EPS15L1: variants seen among roughly 807,000 people sequenced by gnomAD.
EPS15L1 encodes epidermal growth factor receptor pathway substrate 15 like 1, also known as epidermal growth factor receptor substrate 15-like 1.
A neutral mutation model predicts 117.1 loss-of-function variants in EPS15L1; 43 were observed. That is an observed-to-expected ratio of 0.37 (90% CI 0.29 to 0.47). The LOEUF is 0.47. Among genes scored for constraint, EPS15L1 ranks in the 20% least tolerant of loss-of-function variants. The pLI, the probability that EPS15L1 is intolerant of heterozygous loss-of-function variation, is 0.99. For missense variants in EPS15L1, 981 were observed against 1,164.0 expected, an observed-to-expected ratio of 0.84 and a Z score of 2.29; for synonymous variants, 459 against 470.5, an observed-to-expected ratio of 0.98 and a Z score of 0.32.
Position 16,371,841 on chromosome 19 carries a change from T to C in EPS15L1, c.2380+5281A>G, listed in dbSNP as rs2092229154. ...CTTCAGCGGTGAGCTCTGACTGATC[T>C]TGATCTCCGGTCCGTTGCAGAAAAT... is the stretch of plus-strand genomic sequence containing the variant. On this transcript the variant is annotated intron_variant, in intron 22 of 23. Coordinates refer to ENST00000455140, the MANE Select transcript of EPS15L1 (RefSeq NM_001258374.3). The surrounding 1 kb of genome is among the most constrained non-coding windows in gnomAD (Gnocchi z 4.7). Among the ~76,000 whole-genome samples, 1 of 152,244 alleles carries C rather than the reference T, an allele frequency of 6.6e-6. No homozygotes were observed. Among genetic ancestry groups the C allele is most frequent in the Non-Finnish European group, 1.5e-5 (1 of 68,034 alleles).
At chr19:16,412,142 C>G (rs1001049078) in intron 13 of EPS15L1, among the ~76,000 whole-genome samples, 1 of 151,348 alleles carries the variant, frequency 6.6e-6, no homozygotes, top group African/African-American at 2.4e-5. Context: ...TGGTTAGATC[C>G]AAAGATGCAG....
intron 21 of EPS15L1, among the ~76,000 whole-genome samples, 177 bp from the exon 22 acceptor site, chr19:16,377,431 C>T (rs2092310302): frequency 6.6e-6 from 1 of 152,194 alleles, no homozygotes; most frequent in Non-Finnish European, 1.5e-5. Flanking sequence ...TTTCCTCCAC[C>T]CTCAACAGCA....
intron 19 of EPS15L1, among the ~76,000 whole-genome samples, chr19:16,391,911 G>C (rs1471553302): frequency 6.6e-6 from 1 of 152,198 alleles, no homozygotes; most frequent in South Asian, 2.1e-4. Flanking sequence ...CAGGGTGGCC[G>C]GGTCCATGCG....
chr19:16,374,633 C>T lies in EPS15L1; in HGVS notation c.2380+2489G>A, dbSNP rs557792159. Among the ~76,000 whole-genome samples, 4 of 152,292 alleles carry T rather than the reference C, an allele frequency of 2.6e-5. No homozygotes were observed. The South Asian group carries it at 8.3e-4, about 32-fold the overall frequency. On this transcript the variant is annotated intron_variant, in intron 22 of 23. Transcript: ENST00000455140. ...GGAAAGTTCAAAAGCAGACCCAGCG[C>T]CGGGTTTAGGTACGTGGGGAGGCGG...
intron 10 of EPS15L1, among the ~76,000 whole-genome samples, chr19:16,420,992 A>G (rs1303365097): frequency 5.3e-5 from 8 of 152,230 alleles, no homozygotes; most frequent in Non-Finnish European, 1.2e-4. Flanking sequence ...CGGCTGTGAC[A>G]AAGTCCAGGC....
Position 16,362,033 on chromosome 19 carries a change from TACTC to T in EPS15L1, c.2381-53_2381-50del, listed in dbSNP as rs772456124. ...AAAGGAGAAAGAAAGAAATATGAGT[TACTC>T]ACCCGGACAGAGCAGAATGCTGGTG... On this transcript the variant is annotated intron_variant, in intron 22 of 23. Transcript: ENST00000455140. 4.1e-6 allele frequency: 6 copies of T among 1,472,532 alleles called. No homozygotes were observed. In the African/African-American group the frequency reaches 7.1e-5, roughly 17 times the overall value. The allele number at this position is 1,472,532 out of a possible 1,614,324, so 91.2% of individuals were successfully genotyped here.
chr19:16,428,875 C>T (rs913743616), intron 7 of EPS15L1, 114 bp from the exon 8 acceptor site: 1 of 765,188 alleles, frequency 1.3e-6, no homozygotes, highest in Non-Finnish European at 2.3e-6. Flanking sequence ...CAGGAGACGG[C>T]AGTCAATATA....
intron 21 of EPS15L1, 140 bp downstream of exon 21, chr19:16,384,989 C>T: frequency 2.7e-6 from 2 of 731,430 alleles, no homozygotes; most frequent in Non-Finnish European, 2.4e-6. Flanking sequence ...GCCATGGATG[C>T]TTTCCAGACC....
chr19:16,441,125 G>A, intron 3 of EPS15L1: 2 of 593,064 alleles, frequency 3.4e-6, no homozygotes, highest in South Asian at 3.7e-5. Flanking sequence ...ACATCCAGGT[G>A]CACTCAGCTC....
chr19:16,417,877 A>C (rs1002106614), intron 11 of EPS15L1, 71 bp downstream of exon 11: 12 of 1,551,740 alleles, frequency 7.7e-6, no homozygotes, highest in African/African-American at 1.4e-5. Context: ...CATGTGTGCC[A>C]CCAGTGCCAC....
intron 16 of EPS15L1, among the ~76,000 whole-genome samples, chr19:16,395,800 C>T (rs892555658): frequency 4.6e-5 from 7 of 152,134 alleles, no homozygotes; most frequent in African/African-American, 1.7e-4. Context: ...AAAAAATTAG[C>T]TGGGTGTTGT....
chr19:16,447,172 G>A (rs1481344679), intron 1 of EPS15L1, among the ~76,000 whole-genome samples: 2 of 152,128 alleles, frequency 1.3e-5, no homozygotes, highest in Admixed American at 1.3e-4. Context: ...GCAAGCACGG[G>A]GCAGAACTGG....
intron 1 of EPS15L1, among the ~76,000 whole-genome samples, chr19:16,453,401 A>G (rs925058734): frequency 4.6e-5 from 7 of 152,160 alleles, no homozygotes; most frequent in Admixed American, 3.3e-4. Context: ...ATGCCCAGCC[A>G]TCAACTTTTA....
chr19:16,424,985 A>G, intron 9 of EPS15L1, 98 bp downstream of exon 9: 1 of 1,106,260 alleles, frequency 9.0e-7, no homozygotes, highest in East Asian at 2.4e-5. Flanking sequence ...AAGACATTTC[A>G]TCACAAGCTT....
intron 1 of EPS15L1, among the ~76,000 whole-genome samples, chr19:16,455,734 G>A (rs1188871075): frequency 6.6e-6 from 1 of 152,188 alleles, no homozygotes; most frequent in Non-Finnish European, 1.5e-5. Flanking sequence ...CTGGAGATGA[G>A]GGTGAGCACT....
At chr19:16,403,075 T>C (rs2092618792) in intron 15 of EPS15L1, among the ~76,000 whole-genome samples, 1 of 152,158 alleles carries the variant, frequency 6.6e-6, no homozygotes, top group Non-Finnish European at 1.5e-5. Flanking sequence ...CCAGTTCAAT[T>C]GGTAAAAGAA....
At chr19:16,419,807 C>A (rs1232363476) in intron 10 of EPS15L1, among the ~76,000 whole-genome samples, 1 of 152,270 alleles carries the variant, frequency 6.6e-6, no homozygotes, top group Non-Finnish European at 1.5e-5. Context: ...CACTGTCTCT[C>A]CCCAGTCTGC....
intron 12 of EPS15L1, among the ~76,000 whole-genome samples, 198 bp from the exon 13 acceptor site, chr19:16,414,043 C>T (rs1025838401): frequency 1.3e-5 from 2 of 152,098 alleles, no homozygotes; most frequent in African/African-American, 4.8e-5. Flanking sequence ...TGGGAGGGAT[C>T]GCTCCCAATG....
At chr19:16,363,829 C>T (rs1216568792) in intron 22 of EPS15L1, among the ~76,000 whole-genome samples, 2 of 152,216 alleles carry the variant, frequency 1.3e-5, no homozygotes, top group African/African-American at 4.8e-5. Flanking sequence ...TTCTCTCAAC[C>T]GGCAGTTCTG....
Sources: allele counts gnomAD v4.1 joint callset (sites outside exome capture counted in the v4.1 genomes callset), GRCh38; gene constraint gnomAD v4.1.1; non-coding constraint Gnocchi (gnomAD v3.1); transcripts MANE v1.5; gene names NCBI Gene and HGNC (gene_info 2026-07-23, HGNC 2026-07-21).